The following ADAMTSL3 variants were observed in gnomAD, a reference collection of about 807,000 sequenced individuals.
The protein encoded by ADAMTSL3 is ADAMTS like 3.
A neutral mutation model predicts 201.7 loss-of-function variants in ADAMTSL3; 128 were observed. The observed-to-expected ratio is 0.63, with a 90% CI of 0.55 to 0.73. The LOEUF is 0.73. ADAMTSL3 is among the 30% of genes least tolerant of loss of function. The pLI, the probability that ADAMTSL3 is intolerant of heterozygous loss-of-function variation, is 0.00. For missense variants in ADAMTSL3, 1,990 were observed against 2,119.6 expected (o/e 0.94, Z 1.20); for synonymous variants, 738 against 748.4 (o/e 0.99, Z 0.23).
At chr15:83,906,611 A>G (rs2065836952) in intron 15 of ADAMTSL3, among the ~76,000 whole-genome samples, 1 of 73,360 alleles carries the variant, frequency 1.4e-5, no homozygotes, top group Non-Finnish European at 2.3e-5. Flanking sequence ...ATATTTATAT[A>G]GTGCCACACA....
chr15:83,956,322 C>T (rs1208007030), intron 19 of ADAMTSL3, among the ~76,000 whole-genome samples: 1 of 152,154 alleles, frequency 6.6e-6, no homozygotes, highest in Non-Finnish European at 1.5e-5. Flanking sequence ...GATTTAAGGC[C>T]ATCTTTTCTG....
At chr15:83,991,351 C>T in intron 23 of ADAMTSL3, 137 bp downstream of exon 23, 2 of 1,293,432 alleles carry the variant, frequency 1.5e-6, no homozygotes, top group South Asian at 2.8e-5. Flanking sequence ...GATTTTCCAG[C>T]ACACTGACAG....
At chr15:83,674,718 C>CATATATACATATATACACAT (rs1555428923) in intron 2 of ADAMTSL3, among the ~76,000 whole-genome samples, 12,878 of 58,380 alleles carry the variant, frequency 0.22, 2,670 homozygotes, top group East Asian at 0.52. Flanking sequence ...TATATACACA[C>CATATATACATATATACACAT]ATATATACAT....
intron 4 of ADAMTSL3, among the ~76,000 whole-genome samples, chr15:83,790,659 A>G (rs2063330355): frequency 6.6e-6 from 1 of 152,146 alleles, no homozygotes; most frequent in Non-Finnish European, 1.5e-5. Flanking sequence ...AAGGTATAGA[A>G]TAAGGTAGGG....
intron 4 of ADAMTSL3, among the ~76,000 whole-genome samples, chr15:83,789,559 C>T (rs1260635009): frequency 6.6e-6 from 1 of 152,104 alleles, no homozygotes; most frequent in Non-Finnish European, 1.5e-5. Flanking sequence ...GTGGCCAGTA[C>T]ATCTCATTGC....
At chr15:83,806,418 C>T (rs546865768) in intron 5 of ADAMTSL3, among the ~76,000 whole-genome samples, 4 of 152,254 alleles carry the variant, frequency 2.6e-5, no homozygotes, top group Non-Finnish European at 5.9e-5. Flanking sequence ...GACCCAACTA[C>T]TGTGTCCACC....
At chr15:83,911,711 G>A (rs1177560795) in intron 15 of ADAMTSL3, among the ~76,000 whole-genome samples, 1 of 152,164 alleles carries the variant, frequency 6.6e-6, no homozygotes, top group South Asian at 2.1e-4. Flanking sequence ...GCTGATTGGG[G>A]GTGTGCTTTT....
At chr15:83,714,243 A>G (rs542294071) in intron 3 of ADAMTSL3, among the ~76,000 whole-genome samples, 22 of 152,186 alleles carry the variant, frequency 1.4e-4, no homozygotes, top group Non-Finnish European at 2.4e-4. Flanking sequence ...GAGTTCTTCA[A>G]TGAAACTGGT....
intron 3 of ADAMTSL3, among the ~76,000 whole-genome samples, chr15:83,765,337 A>G (rs2062873155): frequency 6.6e-6 from 1 of 152,218 alleles, no homozygotes; most frequent in Admixed American, 6.5e-5. Flanking sequence ...CCCCTTAAAT[A>G]ACCTTTGTGG....
chr15:84,013,365 C>T (rs570586638), intron 23 of ADAMTSL3, among the ~76,000 whole-genome samples: 29 of 152,316 alleles, frequency 1.9e-4, no homozygotes, highest in Admixed American at 1.6e-3. Flanking sequence ...ATGATAATAG[C>T]GGTCGCATCT....
intron 6 of ADAMTSL3, among the ~76,000 whole-genome samples, chr15:83,825,420 G>T (rs2064001356): frequency 6.6e-6 from 1 of 152,246 alleles, no homozygotes; most frequent in African/African-American, 2.4e-5. Flanking sequence ...AGACCAGCCT[G>T]GGCAACATGG....
intron 23 of ADAMTSL3, among the ~76,000 whole-genome samples, chr15:83,996,035 T>G (rs1467596208): frequency 6.6e-6 from 1 of 152,078 alleles, no homozygotes; most frequent in Non-Finnish European, 1.5e-5. Context: ...AGTAAGTAAA[T>G]TGTTATAGGA....
intron 28 of ADAMTSL3, among the ~76,000 whole-genome samples, chr15:84,036,260 T>C (rs2068503310): frequency 6.6e-6 from 1 of 152,216 alleles, no homozygotes; most frequent in African/African-American, 2.4e-5. Context: ...TCTTCAGTAG[T>C]TTCTGACTGC....
At position 83,897,953 on chromosome 15, in the gene ADAMTSL3, G is replaced by GT; in HGVS notation, c.1565dup (p.Leu522PhefsTer15). ...TTGGGGGCTGCAATCCACAACTGAA[G>GT]TTACACATCAAAGAAGAATGTGTCA... On this transcript the variant is annotated frameshift_variant, in exon 14 of 30. Transcript: ENST00000286744. LOFTEE classifies it high-confidence loss of function. 1 of 1,613,884 alleles carries GT rather than the reference G, an allele frequency of 6.2e-7. No individual in the cohort carries two copies. Among genetic ancestry groups the GT allele is most frequent in the Non-Finnish European group, 8.5e-7 (1 of 1,179,852 alleles).
At chr15:83,900,955 C>G (rs1347272059) in intron 15 of ADAMTSL3, among the ~76,000 whole-genome samples, 1 of 152,178 alleles carries the variant, frequency 6.6e-6, no homozygotes, top group Non-Finnish European at 1.5e-5. Flanking sequence ...ACCTCCTGTG[C>G]TTTTCAGAAC....
intron 3 of ADAMTSL3, among the ~76,000 whole-genome samples, chr15:83,730,556 C>G (rs2062248982): frequency 6.6e-6 from 1 of 151,880 alleles, no homozygotes; most frequent in Non-Finnish European, 1.5e-5. Context: ...AGCACAGTTT[C>G]ATACCAAAGC....
intron 4 of ADAMTSL3, among the ~76,000 whole-genome samples, chr15:83,793,923 A>G (rs992008489): frequency 6.6e-6 from 1 of 152,180 alleles, no homozygotes; most frequent in African/African-American, 2.4e-5. Context: ...TCACCTAACA[A>G]AGGACTAGTA....
intron 17 of ADAMTSL3, among the ~76,000 whole-genome samples, chr15:83,927,738 A>G (rs1394711117): frequency 6.6e-6 from 1 of 152,152 alleles, no homozygotes; most frequent in Admixed American, 6.5e-5. Flanking sequence ...AACATGGAGT[A>G]TTTCTCATGA....
chr15:84,038,834 T>A lies in ADAMTSL3; in HGVS notation c.*1028T>A, dbSNP rs1486859339. ...TTGGAATCAGAATTTAGTTTAAGAT[T>A]TGAGGAAAAGGGTAAGGGTTAGTTT... is the stretch of plus-strand genomic sequence containing the variant. On this transcript the variant is annotated 3_prime_UTR_variant, in exon 30 of 30. Coordinates refer to ENST00000286744, the MANE Select transcript of ADAMTSL3 (RefSeq NM_207517.3). 2.0e-5 allele frequency: 3 copies of A among 152,122 alleles called. No individual in the cohort carries two copies. Among genetic ancestry groups the A allele is most frequent in the Non-Finnish European group, 4.4e-5 (3 of 68,024 alleles). The allele number at this position is 152,122 out of a possible 1,614,324, so 9.4% of individuals were successfully genotyped here.
Sources: allele counts gnomAD v4.1 joint callset (sites outside exome capture counted in the v4.1 genomes callset), GRCh38; gene constraint gnomAD v4.1.1; transcripts MANE v1.5; gene names NCBI Gene and HGNC (gene_info 2026-07-23, HGNC 2026-07-21).